The following UST variants were observed in gnomAD, a reference collection of about 807,000 sequenced individuals.
The protein encoded by UST is uronyl 2-sulfotransferase.
Under a neutral mutation model 45.6 loss-of-function variants are expected in UST, and 21 were observed. The observed-to-expected ratio is 0.46, with a 90% CI of 0.33 to 0.66. The LOEUF (loss-of-function observed/expected upper bound fraction) is 0.66, where lower values mean the gene tolerates loss of function less well. UST is among the 30% of genes least tolerant of loss of function. UST has a pLI of 0.02. For synonymous variants in UST, 215 were observed against 200.6 expected, an observed-to-expected ratio of 1.07 and a Z score of -0.61; for missense variants, 463 against 512.4, an observed-to-expected ratio of 0.90 and a Z score of 0.93.
rs570852411 is a variant in UST, at chr6:148,801,903, G to A, written c.247+54226G>A. Among the ~76,000 whole-genome samples the A allele has an allele frequency of 2.8e-4, 43 of 152,322 alleles. No individual in the cohort carries two copies. In the South Asian group the frequency reaches 8.9e-3, roughly 32 times the overall value. On this transcript the variant is annotated intron_variant, in intron 1 of 7. Coordinates refer to ENST00000367463, the MANE Select transcript of UST (RefSeq NM_005715.3). ...AAATAGATGGAAGTTGAAGTTTGAA[G>A]ATTTGGGTTAAAGTACTGGTTCTGC...
At chr6:148,766,848 C>T (rs535855420) in intron 1 of UST, among the ~76,000 whole-genome samples, 14 of 152,272 alleles carry the variant, frequency 9.2e-5, no homozygotes, top group African/African-American at 3.1e-4. Context: ...GATACAGGGT[C>T]GGAGAGTTTT....
intron 2 of UST, among the ~76,000 whole-genome samples, chr6:148,920,391 C>T (rs1300620594): frequency 1.3e-5 from 2 of 152,182 alleles, no homozygotes; most frequent in Admixed American, 1.3e-4. Context: ...CCATCCTCCA[C>T]ACTGGCCAAT....
At chr6:148,914,995 T>C (rs1779557105) in intron 2 of UST, among the ~76,000 whole-genome samples, 1 of 151,992 alleles carries the variant, frequency 6.6e-6, no homozygotes, top group South Asian at 2.1e-4. Flanking sequence ...GGTGACTGCC[T>C]GATTCCTGGT....
intron 5 of UST, among the ~76,000 whole-genome samples, chr6:148,996,785 A>G (rs1455845966): frequency 6.6e-6 from 1 of 152,178 alleles, no homozygotes; most frequent in East Asian, 1.9e-4. Context: ...AGTGACTTGA[A>G]TTTTTTGTGT....
chr6:148,796,878 C>T (rs1209104536), intron 1 of UST, among the ~76,000 whole-genome samples: 1 of 142,630 alleles, frequency 7.0e-6, no homozygotes, highest in Non-Finnish European at 1.5e-5. Context: ...TCTCAGCTCG[C>T]TGCAACCTCT....
intron 1 of UST, among the ~76,000 whole-genome samples, chr6:148,800,673 T>A (rs28609382): frequency 0.017 from 2,516 of 151,656 alleles, 65 homozygotes; most frequent in African/African-American, 0.058. Context: ...AGGGGTAGGG[T>A]TTTTCTTGCA....
intron 1 of UST, among the ~76,000 whole-genome samples, chr6:148,752,734 A>T (rs1776013447): frequency 6.6e-6 from 1 of 152,242 alleles, no homozygotes; most frequent in African/African-American, 2.4e-5. Flanking sequence ...TCCCAAAATA[A>T]ATAGTATCTT....
intron 1 of UST, among the ~76,000 whole-genome samples, chr6:148,856,119 C>T (rs770000336): frequency 1.3e-4 from 20 of 152,092 alleles, no homozygotes; most frequent in Admixed American, 5.2e-4. Flanking sequence ...TGGGTTCAAG[C>T]GATTCTCCCA....
intron 7 of UST, among the ~76,000 whole-genome samples, chr6:149,038,719 G>A (rs1160316648): frequency 6.6e-6 from 1 of 152,160 alleles, no homozygotes; most frequent in African/African-American, 2.4e-5. Context: ...CACGTTCAAA[G>A]CAGCTGTGAG....
intron 2 of UST, among the ~76,000 whole-genome samples, chr6:148,924,285 G>A (rs868236291): frequency 4.6e-5 from 7 of 152,062 alleles, no homozygotes; most frequent in Non-Finnish European, 2.9e-5. Flanking sequence ...ACAGCCCCTC[G>A]TCCCTGCCCT....
intron 1 of UST, among the ~76,000 whole-genome samples, chr6:148,816,475 G>A (rs1351483565): frequency 1.3e-5 from 2 of 152,204 alleles, no homozygotes; most frequent in Admixed American, 1.3e-4. Flanking sequence ...ACTATCTTTA[G>A]ACCCCTGATG....
chr6:148,773,974 A>C (rs1776481911), intron 1 of UST, among the ~76,000 whole-genome samples: 1 of 152,202 alleles, frequency 6.6e-6, no homozygotes, highest in South Asian at 2.1e-4. Context: ...CCCCGACTTT[A>C]TAAAGAAGCT....
At chr6:148,768,329 G>A (rs141749482) in intron 1 of UST, among the ~76,000 whole-genome samples, 7 of 152,220 alleles carry the variant, frequency 4.6e-5, no homozygotes, top group African/African-American at 1.7e-4. Context: ...CTATAGATGT[G>A]TTCCTCTTTC....
intron 5 of UST, among the ~76,000 whole-genome samples, chr6:149,010,913 A>AAACAAAAAAAAAAAAC (rs1554234078): frequency 5.4e-5 from 5 of 92,968 alleles, no homozygotes; most frequent in African/African-American, 2.2e-4. Flanking sequence ...AAAAAAAAAA[A>AAACAAAAAAAAAAAAC]AAAAAACTGT....
At chr6:148,914,737 C>T (rs1239785397) in intron 2 of UST, among the ~76,000 whole-genome samples, 2 of 152,184 alleles carry the variant, frequency 1.3e-5, no homozygotes, top group Non-Finnish European at 2.9e-5. Flanking sequence ...CAGTTCGTTA[C>T]AGGCCACGGA....
chr6:148,941,225 C>T, intron 2 of UST, 54 bp from the exon 3 acceptor site: 1 of 1,595,636 alleles, frequency 6.3e-7, no homozygotes, highest in Non-Finnish European at 8.5e-7. Context: ...AGGGAAGAAT[C>T]CTAAGTATTT....
chr6:148,828,418 G>A (rs1234476166), intron 1 of UST, among the ~76,000 whole-genome samples: 2 of 152,080 alleles, frequency 1.3e-5, no homozygotes, highest in Non-Finnish European at 2.9e-5. Context: ...GCTAGTTATA[G>A]CAGTATAATA....
At position 148,748,252 on chromosome 6, in the gene UST, G is replaced by A. The variant is rs902836698; in HGVS notation, c.247+575G>A. ...TCCCTTGGCTGCCGCTGCCCACCCCGCCGCCCGCAGCTAGCCTGGCGCGGG... is the reference window on the plus strand; with the variant it reads ...TCCCTTGGCTGCCGCTGCCCACCCCACCGCCCGCAGCTAGCCTGGCGCGGG... On this transcript the variant is annotated intron_variant, in intron 1 of 7. Coordinates refer to ENST00000367463, the MANE Select transcript of UST (RefSeq NM_005715.3). The surrounding 1 kb of genome is among the most constrained non-coding windows in gnomAD (Gnocchi z 5.3). 1.3e-5 allele frequency among the ~76,000 whole-genome samples: 2 copies of A among 152,000 alleles called. No homozygotes were observed. Among genetic ancestry groups the A allele is most frequent in the Admixed American group, 1.3e-4 (2 of 15,258 alleles).
At chr6:148,880,159 TG>T (rs71007925) in intron 1 of UST, among the ~76,000 whole-genome samples, 36,295 of 151,934 alleles carry the variant, frequency 0.24, 4,627 homozygotes, top group South Asian at 0.44. Context: ...TTCACCATGT[TG>T]GCCAGGCTAG....
Sources: gnomAD v4.1 joint callset for allele counts (sites outside exome capture counted in the v4.1 genomes callset) on GRCh38, gnomAD v4.1.1 for gene constraint, Gnocchi (gnomAD v3.1) non-coding constraint, MANE v1.5 for transcripts, NCBI Gene and HGNC (gene_info 2026-07-23, HGNC 2026-07-21) for gene names.